ACBD7: variants seen among roughly 807,000 people sequenced by gnomAD.
ACBD7 encodes acyl-CoA binding domain containing 7.
ACBD7 carries 11 observed loss-of-function variants against 13.7 expected under a neutral mutation model. The observed-to-expected ratio is 0.80, with a 90% confidence interval of 0.50 to 1.33. The LOEUF (loss-of-function observed/expected upper bound fraction) is 1.33. Ranked by LOEUF, ACBD7 falls within the 40% of genes most tolerant of loss-of-function variation. ACBD7 has a pLI of 0.00. For missense variants in ACBD7, 111 were observed against 103.0 expected, an observed-to-expected ratio of 1.08 and a Z score of -0.33; for synonymous variants, 43 against 37.7, an observed-to-expected ratio of 1.14 and a Z score of -0.51.
chr10:15,081,434 T>C (rs773150345), intron 1 of ACBD7, among the ~76,000 whole-genome samples: 1 of 152,172 alleles, frequency 6.6e-6, no homozygotes, highest in Non-Finnish European at 1.5e-5. Flanking sequence ...ATTAAGTAAA[T>C]TTACTGAGGC....
Position 15,078,686 on chromosome 10 carries a change from A to G in ACBD7, c.193+5T>C. 2 of 1,614,072 alleles carry G rather than the reference A, an allele frequency of 1.2e-6. No individual in the cohort carries two copies. Among genetic ancestry groups the G allele is most frequent in the Non-Finnish European group, 1.7e-6 (2 of 1,180,012 alleles). On this transcript the variant is annotated splice_donor_5th_base_variant and intron_variant, in intron 3 of 3. Coordinates refer to ENST00000356189, the MANE Select transcript of ACBD7 (RefSeq NM_001039844.3). ...TTGCTTTAAACTTGTGAAAGACTAA[A>G]AAACCTTTTTTGAGGTTCCATGCTT...
intron 1 of ACBD7, chr10:15,088,279 C>A: frequency 5.7e-6 from 1 of 176,602 alleles, no homozygotes; most frequent in Non-Finnish European, 1.2e-5. Flanking sequence ...CCAAAGTTTT[C>A]CACCCTTAAC....
intron 1 of ACBD7, among the ~76,000 whole-genome samples, chr10:15,082,469 A>C (rs371329969): frequency 2.9e-4 from 44 of 152,328 alleles, no homozygotes; most frequent in East Asian, 1.2e-3. Context: ...GATTACTGGC[A>C]AGTTATGTAG....
chr10:15,087,740 T>C (rs1844825665), intron 1 of ACBD7, among the ~76,000 whole-genome samples: 2 of 150,790 alleles, frequency 1.3e-5, no homozygotes, highest in South Asian at 4.2e-4. Context: ...ATTGCACCAC[T>C]GCACTCCAGC....
chr10:15,077,798 A>T lies in ACBD7; in HGVS notation c.*732T>A, dbSNP rs1018207238. Reference sequence around the variant, plus strand: ...TGAGGCAAGAGAATCACTTGAACCCAGGAGGCGGAGGTTGCAGTGAACCGA... The same window carrying T: ...TGAGGCAAGAGAATCACTTGAACCCTGGAGGCGGAGGTTGCAGTGAACCGA... On this transcript the variant is annotated 3_prime_UTR_variant, in exon 4 of 4. Coordinates refer to ENST00000356189, the MANE Select transcript of ACBD7 (RefSeq NM_001039844.3). The T allele has an allele frequency of 3.9e-5, 6 of 151,914 alleles. No homozygotes were observed. The highest frequency in any genetic ancestry group is 1.2e-4 in the African/African-American group (5 of 41,328). 9.4% of individuals were successfully genotyped at this position (151,914 alleles called of 1,614,324 possible). A position where few individuals can be genotyped will look rare whatever the true frequency, so the allele number is the denominator to read the frequency against.
intron 1 of ACBD7, among the ~76,000 whole-genome samples, chr10:15,081,297 G>A (rs1004443607): frequency 6.6e-6 from 1 of 151,964 alleles, no homozygotes; most frequent in Non-Finnish European, 1.5e-5. Context: ...AGATAATGAA[G>A]GAATTCTTAA....
At chr10:15,085,394 G>A (rs1273195628) in intron 1 of ACBD7, among the ~76,000 whole-genome samples, 2 of 152,210 alleles carry the variant, frequency 1.3e-5, no homozygotes, top group Admixed American at 6.5e-5. Context: ...GACAGCCTCC[G>A]AGGGTGGCTC....
intron 1 of ACBD7, among the ~76,000 whole-genome samples, chr10:15,080,269 T>C (rs535448665): frequency 6.6e-6 from 1 of 152,132 alleles, no homozygotes; most frequent in African/African-American, 2.4e-5. Context: ...TTTTTAGACT[T>C]CCTGGAAACT....
Position 15,077,091 on chromosome 10 carries a change from T to A in ACBD7, c.*1439A>T, listed in dbSNP as rs7071137. On this transcript the variant is annotated 3_prime_UTR_variant, in exon 4 of 4. Transcript: ENST00000356189. ...CCAGCAATCCCACTACTGGGTATCT[T>A]CTTAAAGGAAAATAAATCATTCTAT... 88,134 of 206,946 alleles carry A rather than the reference T, an allele frequency of 0.43. 19,479 individuals are homozygous for A. Among genetic ancestry groups the A allele is most frequent in the South Asian group, 0.6 (3,526 of 5,862 alleles). The allele number at this position is 206,946 out of a possible 1,614,324, so 12.8% of individuals were successfully genotyped here. A position where few individuals can be genotyped will look rare whatever the true frequency, so the allele number is the denominator to read the frequency against.
In ACBD7 at chr10:15,077,738, T is replaced by G. The variant is rs1221508212; in HGVS notation, c.*792A>C. 1 of 152,222 alleles carries G rather than the reference T, an allele frequency of 6.6e-6. No individual in the cohort carries two copies. Among genetic ancestry groups the G allele is most frequent in the African/African-American group, 2.4e-5 (1 of 41,428 alleles). The allele number at this position is 152,222 out of a possible 1,614,324, so 9.4% of individuals were successfully genotyped here. A position where few individuals can be genotyped will look rare whatever the true frequency, so the allele number is the denominator to read the frequency against. Reference sequence around the variant, plus strand: ...AAATACAAAAATTAGCCAGCCATGGTGGCAAGCACCTGTAATCCCAGCTAC... The same window carrying G: ...AAATACAAAAATTAGCCAGCCATGGGGGCAAGCACCTGTAATCCCAGCTAC... On this transcript the variant is annotated 3_prime_UTR_variant, in exon 4 of 4. Coordinates refer to ENST00000356189, the MANE Select transcript of ACBD7 (RefSeq NM_001039844.3).
intron 1 of ACBD7, among the ~76,000 whole-genome samples, chr10:15,083,617 A>T (rs1844774370): frequency 6.6e-6 from 1 of 152,112 alleles, no homozygotes; most frequent in Non-Finnish European, 1.5e-5. Context: ...AGTAGCTAGG[A>T]TTACAGGCAT....
intron 1 of ACBD7, among the ~76,000 whole-genome samples, chr10:15,085,820 GTC>G (rs113036309): frequency 0.11 from 16,472 of 152,212 alleles, 926 homozygotes; most frequent in Middle Eastern, 0.2. Context: ...TCCAATGACA[GTC>G]TGCCAGTATA....
chr10:15,078,312 G>T lies in ACBD7; in HGVS notation c.*218C>A. 7.2e-7 allele frequency: 1 copy of T among 1,386,222 alleles called. No individual in the cohort carries two copies. The allele number at this position is 1,386,222 out of a possible 1,614,324, so 85.9% of individuals were successfully genotyped here. A position where few individuals can be genotyped will look rare whatever the true frequency, so the allele number is the denominator to read the frequency against. ...CCATAGTATTCCATGGTGTATATGT[G>T]CCACATTTTCTTAAAAAGAACTTTT... On this transcript the variant is annotated 3_prime_UTR_variant, in exon 4 of 4. Coordinates refer to ENST00000356189, the MANE Select transcript of ACBD7 (RefSeq NM_001039844.3).
At position 15,078,944 on chromosome 10, in the gene ACBD7, T is replaced by A. The variant is rs371259194; in HGVS notation, c.109A>T (p.Ile37Leu). 6.4e-7 allele frequency: 1 copy of A among 1,572,010 alleles called. No individual in the cohort carries two copies. ...KELYGLYKQAIVGDINIACPG... is the reference protein window; with the variant it reads ...KELYGLYKQALVGDINIACPG... Reference sequence around the variant, plus strand: ...ATACCAATATTAATGTCTCCAACTATTGCTTGTTTGTAAAGCCCATAGAGT... The same window carrying A: ...ATACCAATATTAATGTCTCCAACTAATGCTTGTTTGTAAAGCCCATAGAGT... Residue 37 changes from isoleucine (I) to leucine (L), a missense_variant, in exon 2 of 4, where the codon ATA becomes TTA. Coordinates refer to ENST00000356189, the MANE Select transcript of ACBD7 (RefSeq NM_001039844.3).
Position 15,078,741 on chromosome 10 carries a change from A to C in ACBD7, c.143T>G (p.Met48Arg). 1 of 1,614,020 alleles carries C rather than the reference A, an allele frequency of 6.2e-7. No homozygotes were observed. Among genetic ancestry groups the C allele is most frequent in the Non-Finnish European group, 8.5e-7 (1 of 1,179,970 alleles). The change falls in exon 3 of 4, where the codon ATG becomes AGG. Residue 48 changes from methionine (M) to arginine (R), a missense_variant. By Grantham distance (91) the Met-to-Arg change is moderately conservative. Coordinates refer to ENST00000356189, the MANE Select transcript of ACBD7 (RefSeq NM_001039844.3). ...VGDINIACPG[M>R]LDLKGKAKWE... ...TTTGGCTTTGCCTTTTAAATCTAGC[A>C]TTCCTGGACACGCTGGCAAAAGAAG... is the stretch of plus-strand genomic sequence containing the variant.
At position 15,075,777 on chromosome 10, in the gene ACBD7, C is replaced by G. The variant is rs1844671910; in HGVS notation, c.*2753G>C. Among the ~76,000 whole-genome samples the G allele has an allele frequency of 6.6e-6, 1 of 152,084 alleles. No individual in the cohort carries two copies. The highest frequency in any genetic ancestry group is 2.4e-5 in the African/African-American group (1 of 41,532). Reference sequence around the variant, plus strand: ...TCACCTCAGATCAGGAGTTCCAGACCAGCCTGGGCAACATGGTGAAACCCT... The same window carrying G: ...TCACCTCAGATCAGGAGTTCCAGACGAGCCTGGGCAACATGGTGAAACCCT... On this transcript the variant is annotated 3_prime_UTR_variant, in exon 4 of 4. Transcript: ENST00000356189.
At position 15,088,629 on chromosome 10, in the gene ACBD7, C is replaced by T. The variant is rs367928272; in HGVS notation, c.12+88G>A. On this transcript the variant is annotated intron_variant, in intron 1 of 3. Transcript: ENST00000356189. ...TCCCCCGGGTCACCGCCGACCGCTC[C>T]CAGGGGCGCCAAGCCCACCCGGAGC... The T allele has an allele frequency of 1.8e-4, 271 of 1,525,798 alleles. No homozygotes were observed. The East Asian group carries it at 2.8e-3, about 16-fold the overall frequency. 94.5% of individuals were successfully genotyped at this position (1,525,798 alleles called of 1,614,324 possible).
At chr10:15,086,969 C>T (rs994522205) in intron 1 of ACBD7, among the ~76,000 whole-genome samples, 6 of 149,156 alleles carry the variant, frequency 4.0e-5, no homozygotes, top group East Asian at 3.9e-4. Context: ...GCCAAGATTG[C>T]GCCATTGCAC....
intron 1 of ACBD7, among the ~76,000 whole-genome samples, chr10:15,085,718 C>T (rs974233768): frequency 6.6e-6 from 1 of 152,172 alleles, no homozygotes; most frequent in Non-Finnish European, 1.5e-5. Flanking sequence ...ATCAGCTCTC[C>T]TAAATGCTTT....
Sources: gnomAD v4.1 joint callset for allele counts (sites outside exome capture counted in the v4.1 genomes callset) on GRCh38, gnomAD v4.1.1 for gene constraint, MANE v1.5 for transcripts, NCBI Gene and HGNC (gene_info 2026-07-23, HGNC 2026-07-21) for gene names.